Variants in OR1J2 observed in about 807,000 individuals in gnomAD.
OR1J2 encodes the protein olfactory receptor family 1 subfamily J member 2, also known as olfactory receptor 1J2.
For missense variants in OR1J2, 304 were observed against 246.1 expected, an observed-to-expected ratio of 1.24 and a Z score of -1.57; for synonymous variants, 142 against 99.7, an observed-to-expected ratio of 1.42 and a Z score of -2.52.
chr9:122,462,733 A>C, the OR1J2 span, among the ~76,000 whole-genome samples: 3 of 152,276 alleles, frequency 2.0e-5, no homozygotes, highest in East Asian at 3.9e-4. Context: ...TTGTTTATGG[A>C]GGCTAAAAAT....
the OR1J2 span, among the ~76,000 whole-genome samples, chr9:122,530,206 C>A: frequency 6.6e-6 from 1 of 152,196 alleles, no homozygotes; most frequent in Non-Finnish European, 1.5e-5. Context: ...GTGGCAGTTA[C>A]GTTCATCAGC....
chr9:122,447,760 C>A, the OR1J2 span, among the ~76,000 whole-genome samples: 10 of 152,018 alleles, frequency 6.6e-5, no homozygotes, highest in East Asian at 1.9e-3. Context: ...CCTTCTCTTT[C>A]TTTTCTTTTT....
chr9:122,515,726 T>C (rs1416481642), downstream of OR1J2, among the ~76,000 whole-genome samples: 1 of 152,178 alleles, frequency 6.6e-6, no homozygotes, highest in Non-Finnish European at 1.5e-5. Context: ...TCTGAAAGTA[T>C]ATTTGAAGGA....
the OR1J2 span, among the ~76,000 whole-genome samples, chr9:122,473,568 G>T: frequency 2.0e-5 from 3 of 152,164 alleles, no homozygotes; most frequent in Non-Finnish European, 2.9e-5. Flanking sequence ...TTACTTTTGT[G>T]GGTGGGATAT....
At chr9:122,496,617 C>T in the OR1J2 span, among the ~76,000 whole-genome samples, 1 of 152,012 alleles carries the variant, frequency 6.6e-6, no homozygotes, top group East Asian at 1.9e-4. Flanking sequence ...GGTCAGAGCA[C>T]AGTTTGGTTT....
chr9:122,562,569 C>G, the OR1J2 span, among the ~76,000 whole-genome samples: 1 of 151,898 alleles, frequency 6.6e-6, no homozygotes, highest in African/African-American at 2.4e-5. Flanking sequence ...GTGGGGACTC[C>G]CCTGCCCTGT....
At chr9:122,496,964 C>T in the OR1J2 span, among the ~76,000 whole-genome samples, 1 of 152,062 alleles carries the variant, frequency 6.6e-6, no homozygotes, top group Non-Finnish European at 1.5e-5. Context: ...TGGGGGAAAG[C>T]CGGCAGGTGA....
the OR1J2 span, among the ~76,000 whole-genome samples, chr9:122,541,538 CTAAGA>C: frequency 1.3e-5 from 2 of 152,140 alleles, no homozygotes; most frequent in Non-Finnish European, 2.9e-5. Context: ...CCATATACAG[CTAAGA>C]TTAGTGAATC....
chr9:122,554,237 T>C, the OR1J2 span: 8 of 1,149,312 alleles, frequency 7.0e-6, no homozygotes, highest in Non-Finnish European at 8.7e-6. Context: ...ATTCTACTAC[T>C]GTCATGTTGA....
chr9:122,522,414 C>T, the OR1J2 span, among the ~76,000 whole-genome samples: 1 of 152,126 alleles, frequency 6.6e-6, no homozygotes, highest in Non-Finnish European at 1.5e-5. Flanking sequence ...ATGTAACACA[C>T]AATTCTGACA....
the OR1J2 span, chr9:122,448,956 A>G: frequency 7.0e-6 from 1 of 143,160 alleles, no homozygotes; most frequent in Non-Finnish European, 1.5e-5. Context: ...TGGGCAACAG[A>G]GCAAGACGCC....
At chr9:122,462,493 C>T in the OR1J2 span, among the ~76,000 whole-genome samples, 1 of 152,012 alleles carries the variant, frequency 6.6e-6, no homozygotes, top group African/African-American at 2.4e-5. Flanking sequence ...TTTTGTTTTT[C>T]ATTGTTTTGT....
chr9:122,521,110 T>G, the OR1J2 span, among the ~76,000 whole-genome samples: 1 of 152,232 alleles, frequency 6.6e-6, no homozygotes. Context: ...TTCTTCTGTA[T>G]AGGTGAAAAA....
chr9:122,501,012 A>G, the OR1J2 span, among the ~76,000 whole-genome samples: 1 of 152,214 alleles, frequency 6.6e-6, no homozygotes, highest in African/African-American at 2.4e-5. Flanking sequence ...AATTTTTGAA[A>G]GAACACAATA....
chr9:122,453,650 T>C, the OR1J2 span, among the ~76,000 whole-genome samples: 1 of 152,300 alleles, frequency 6.6e-6, no homozygotes, highest in Non-Finnish European at 1.5e-5. Context: ...AATTCCAGGG[T>C]GAGATCATCA....
At chr9:122,554,102 C>G in the OR1J2 span, 1 of 1,613,650 alleles carries the variant, frequency 6.2e-7, no homozygotes, top group Non-Finnish European at 8.5e-7. Flanking sequence ...GCTTGAGGAA[C>G]AGAGACATGA....
chr9:122,566,772 C>A, the OR1J2 span, among the ~76,000 whole-genome samples: 1 of 152,042 alleles, frequency 6.6e-6, no homozygotes, highest in Non-Finnish European at 1.5e-5. Context: ...GGCTAGAGTC[C>A]TAGAAATGAC....
chr9:122,451,197 T>TA, the OR1J2 span, among the ~76,000 whole-genome samples: 3 of 145,702 alleles, frequency 2.1e-5, no homozygotes, highest in Non-Finnish European at 4.5e-5. Flanking sequence ...TTATTATTAT[T>TA]ATTTTGAGAT....
At chr9:122,567,891 T>C in the OR1J2 span, 13 of 1,614,004 alleles carry the variant, frequency 8.1e-6, no homozygotes, top group Admixed American at 1.2e-4. Flanking sequence ...CACAATTTCA[T>C]TGACAAATAT....
Sources: allele counts gnomAD v4.1 joint callset (sites outside exome capture counted in the v4.1 genomes callset), GRCh38; gene constraint gnomAD v4.1.1; transcripts MANE v1.5; gene names NCBI Gene and HGNC (gene_info 2026-07-23, HGNC 2026-07-21).